ROBO1: variants seen among roughly 807,000 people sequenced by gnomAD.
ROBO1 encodes the protein roundabout homolog 1.
Under a neutral mutation model 195.9 loss-of-function variants are expected in ROBO1, and 149 were observed. The observed-to-expected ratio is 0.76, with a 90% CI of 0.67 to 0.87. The LOEUF (loss-of-function observed/expected upper bound fraction) is 0.87, where lower values mean the gene tolerates loss of function less well. ROBO1 is among the 40% of genes least tolerant of loss of function. The probability of loss-of-function intolerance (pLI) is 0.00; values close to 1 mark genes in which losing one functional copy is unlikely to be tolerated. For synonymous variants in ROBO1, 816 were observed against 733.2 expected (o/e 1.11, Z -1.82); for missense variants, 1,933 against 2,068.3 (o/e 0.93, Z 1.27).
intron 2 of ROBO1, among the ~76,000 whole-genome samples, chr3:79,565,130 G>A (rs1200018912): frequency 6.6e-6 from 1 of 152,042 alleles, no homozygotes; most frequent in Non-Finnish European, 1.5e-5. Context: ...GAACTATAAA[G>A]ATAATGGCTT....
chr3:78,677,762 C>A (rs1256920270), intron 10 of ROBO1, among the ~76,000 whole-genome samples: 1 of 152,120 alleles, frequency 6.6e-6, no homozygotes, highest in Non-Finnish European at 1.5e-5. Flanking sequence ...TTAGACAGAT[C>A]GACAAGACAG....
chr3:79,629,090 T>C (rs1419329840), intron 1 of ROBO1, among the ~76,000 whole-genome samples: 1 of 152,146 alleles, frequency 6.6e-6, no homozygotes, highest in African/African-American at 2.4e-5. Flanking sequence ...AGACAGATCA[T>C]TGAGGCTGAG....
intron 4 of ROBO1, among the ~76,000 whole-genome samples, chr3:78,860,326 A>ATATATATATATATATATATATATATTTT (rs376853384): frequency 1.1e-5 from 1 of 93,506 alleles, no homozygotes; most frequent in African/African-American, 4.5e-5. Flanking sequence ...ATATATATAT[A>ATATATATATATATATATATATATATTTT]TTTTTTTTTT....
rs937950286 is a variant in ROBO1, at chr3:79,416,208, G to T, written c.88+173616C>A. On this transcript the variant is annotated intron_variant, in intron 2 of 30. Transcript: ENST00000464233. Reference sequence around the variant, plus strand: ...GGTAAATGCATTTACAGAAGTAAGAGTTGTTAACTAGAAAACTAGTTAAGG... The same window carrying T: ...GGTAAATGCATTTACAGAAGTAAGATTTGTTAACTAGAAAACTAGTTAAGG... Among the ~76,000 whole-genome samples, 5 of 152,140 alleles carry T rather than the reference G, an allele frequency of 3.3e-5. No homozygotes were observed. In the South Asian group the frequency reaches 6.2e-4, roughly 19 times the overall value.
intron 1 of ROBO1, among the ~76,000 whole-genome samples, chr3:79,712,157 A>G (rs1702303609): frequency 2.6e-5 from 4 of 152,094 alleles, no homozygotes; most frequent in Admixed American, 2.6e-4. Context: ...CATATCTCCC[A>G]TTTTAATTAA....
chr3:79,626,009 T>A (rs1040082969), intron 1 of ROBO1, among the ~76,000 whole-genome samples: 2 of 152,188 alleles, frequency 1.3e-5, no homozygotes, highest in African/African-American at 4.8e-5. Flanking sequence ...TTATCCTGCA[T>A]GATCAAGTCA....
chr3:79,593,767 C>T (rs183788854), intron 1 of ROBO1, among the ~76,000 whole-genome samples: 97 of 151,930 alleles, frequency 6.4e-4, no homozygotes, highest in African/African-American at 2.1e-3. Context: ...TGTACCACAA[C>T]GCCTGGCTAA....
At chr3:79,310,048 G>A (rs1249446874) in intron 2 of ROBO1, among the ~76,000 whole-genome samples, 1 of 151,582 alleles carries the variant, frequency 6.6e-6, no homozygotes, top group Non-Finnish European at 1.5e-5. Context: ...TCTAATATGG[G>A]GCACACCAGG....
At chr3:79,209,236 T>C (rs184752180) in intron 2 of ROBO1, among the ~76,000 whole-genome samples, 4 of 152,242 alleles carry the variant, frequency 2.6e-5, no homozygotes, top group East Asian at 1.9e-4. Flanking sequence ...AGTGAGAACA[T>C]GTGATATTTG....
intron 2 of ROBO1, among the ~76,000 whole-genome samples, chr3:79,205,158 A>C (rs562970647): frequency 1.3e-5 from 2 of 151,808 alleles, no homozygotes; most frequent in African/African-American, 4.8e-5. Context: ...ATATCCGGTT[A>C]ATTTTTTCTA....
intron 4 of ROBO1, among the ~76,000 whole-genome samples, chr3:78,767,064 T>C (rs537772367): frequency 1.3e-5 from 2 of 152,260 alleles, no homozygotes; most frequent in South Asian, 4.1e-4. Flanking sequence ...ATCAATGATA[T>C]AGGTCTATAG....
chr3:79,576,956 C>T (rs1408645066), intron 2 of ROBO1, among the ~76,000 whole-genome samples: 1 of 152,162 alleles, frequency 6.6e-6, no homozygotes, highest in Non-Finnish European at 1.5e-5. Flanking sequence ...AATAACACTT[C>T]TGAATTGGCC....
chr3:79,394,487 C>T (rs2037065770), intron 2 of ROBO1, among the ~76,000 whole-genome samples: 1 of 151,232 alleles, frequency 6.6e-6, no homozygotes, highest in African/African-American at 2.4e-5. Flanking sequence ...TATATAAACA[C>T]AATATATAGG....
At chr3:79,653,762 C>T (rs574156528) in intron 1 of ROBO1, among the ~76,000 whole-genome samples, 3 of 151,888 alleles carry the variant, frequency 2.0e-5, no homozygotes, top group African/African-American at 7.2e-5. Flanking sequence ...GTCTCACACA[C>T]TGTCATATTA....
At chr3:79,600,014 C>T (rs542667425) in intron 1 of ROBO1, among the ~76,000 whole-genome samples, 4 of 151,538 alleles carry the variant, frequency 2.6e-5, no homozygotes, top group African/African-American at 9.7e-5. Context: ...CTCATGTACA[C>T]CAAGACAGAA....
At chr3:78,857,875 T>C (rs998018358) in intron 4 of ROBO1, among the ~76,000 whole-genome samples, 8 of 152,190 alleles carry the variant, frequency 5.3e-5, no homozygotes, top group Non-Finnish European at 1.5e-5. Context: ...AAATCAGTAT[T>C]ACTTTCTAGA....
At chr3:79,385,571 T>C (rs1193071692) in intron 2 of ROBO1, among the ~76,000 whole-genome samples, 1 of 152,126 alleles carries the variant, frequency 6.6e-6, no homozygotes, top group Non-Finnish European at 1.5e-5. Context: ...TGGATAAAAA[T>C]GTGGAACCTG....
chr3:79,444,917 T>C (rs1424146538), intron 2 of ROBO1, among the ~76,000 whole-genome samples: 1 of 151,946 alleles, frequency 6.6e-6, no homozygotes, highest in Non-Finnish European at 1.5e-5. Context: ...ATGTTAAAGC[T>C]ATAGGGAAAG....
At chr3:78,633,634 C>G (rs1227912925) in intron 24 of ROBO1, among the ~76,000 whole-genome samples, 1 of 152,052 alleles carries the variant, frequency 6.6e-6, no homozygotes, top group East Asian at 1.9e-4. Context: ...ATATTTTGGC[C>G]AACGGGGAAA....
Sources: allele counts gnomAD v4.1 joint callset (sites outside exome capture counted in the v4.1 genomes callset), GRCh38; gene constraint gnomAD v4.1.1; transcripts MANE v1.5; gene names NCBI Gene and HGNC (gene_info 2026-07-23, HGNC 2026-07-21).